Variants in ARHGEF4 observed in about 807,000 individuals in gnomAD.
ARHGEF4 encodes the protein APC-stimulated guanine nucleotide exchange factor 1.
ARHGEF4 carries 119 observed loss-of-function variants against 162.0 expected under a neutral mutation model. The ratio of observed to expected loss-of-function variants is 0.73; its 90% CI spans 0.63 to 0.86. The LOEUF (loss-of-function observed/expected upper bound fraction) is 0.86. Ranked by LOEUF, ARHGEF4 falls within the 40% of genes least tolerant of loss-of-function variation. The pLI, the probability that ARHGEF4 is intolerant of heterozygous loss-of-function variation, is 0.00. For synonymous variants in ARHGEF4, 1,014 were observed against 979.9 expected, an observed-to-expected ratio of 1.03 and a Z score of -0.65; for missense variants, 2,488 against 2,456.0, an observed-to-expected ratio of 1.01 and a Z score of -0.28.
chr2:130,843,471 C>T lies in ARHGEF4; in HGVS notation c.39+6479C>T, dbSNP rs186935506. Among the ~76,000 whole-genome samples, 59 of 152,326 alleles carry T rather than the reference C, an allele frequency of 3.9e-4. 2 individuals carry two copies. The South Asian group carries it at 9.7e-3, about 25-fold the overall frequency. ...CTGTCTGCCAGCAGGCCTTCCGTGCCTCCCCTGGGCTGTGCCTCCTGCTAA... is the reference window on the plus strand; with the variant it reads ...CTGTCTGCCAGCAGGCCTTCCGTGCTTCCCCTGGGCTGTGCCTCCTGCTAA... On this transcript the variant is annotated intron_variant, in intron 1 of 13. Coordinates refer to ENST00000409359, the MANE Select transcript of ARHGEF4 (RefSeq NM_001367493.1).
At chr2:130,839,817 T>C (rs2104847593) in intron 1 of ARHGEF4, among the ~76,000 whole-genome samples, 1 of 152,272 alleles carries the variant, frequency 6.6e-6, no homozygotes, top group East Asian at 1.9e-4. Flanking sequence ...CCTGGAGCCG[T>C]CACTGAAGTG....
intron 1 of ARHGEF4, among the ~76,000 whole-genome samples, chr2:130,850,323 C>T (rs947771851): frequency 6.6e-6 from 1 of 152,212 alleles, no homozygotes; most frequent in Non-Finnish European, 1.5e-5. Flanking sequence ...GGAGAGGTCT[C>T]CTCTCAGGAC....
intron 1 of ARHGEF4, among the ~76,000 whole-genome samples, chr2:130,844,122 C>T (rs907381666): frequency 2.6e-5 from 4 of 152,242 alleles, no homozygotes; most frequent in African/African-American, 4.8e-5. Context: ...TGACCCCATA[C>T]GTTTTGTTTG....
At chr2:130,982,799 C>T (rs1222708336) in intron 4 of ARHGEF4, among the ~76,000 whole-genome samples, 2 of 152,102 alleles carry the variant, frequency 1.3e-5, no homozygotes, top group Non-Finnish European at 2.9e-5. Flanking sequence ...CATAAATAAT[C>T]TTTTTAAAGG....
Position 130,915,054 on chromosome 2 carries a change from G to T in ARHGEF4, c.1108G>T (p.Glu370Ter). 6.4e-7 allele frequency: 1 copy of T among 1,550,664 alleles called. No homozygotes were observed. Among genetic ancestry groups the T allele is most frequent in the Non-Finnish European group, 8.7e-7 (1 of 1,147,020 alleles). The change falls in exon 2 of 14, where the codon GAA (glutamate) becomes TAA (stop). Residue 370 changes from glutamate to a stop codon, truncating the protein, a stop_gained. Coordinates refer to ENST00000409359, the MANE Select transcript of ARHGEF4 (RefSeq NM_001367493.1). LOFTEE classifies it high-confidence loss of function. ...GTHVKEGAKN[E>*]RDPRIQNIPS... The stretch of plus-strand genomic sequence containing the variant: ...CCATGTGAAGGAAGGGGCCAAAAAT[G>T]AACGAGATCCAAGAATACAAAACAT...
intron 6 of ARHGEF4, chr2:131,039,329 G>C: frequency 8.4e-7 from 1 of 1,195,930 alleles, no homozygotes. Flanking sequence ...CATTTCCCAA[G>C]CCCTGAAGAG....
intron 4 of ARHGEF4, among the ~76,000 whole-genome samples, chr2:131,005,413 C>G (rs1688058378): frequency 1.3e-5 from 2 of 152,198 alleles, no homozygotes; most frequent in African/African-American, 4.8e-5. Flanking sequence ...CCCACAACAG[C>G]CACTCCCTGC....
intron 4 of ARHGEF4, among the ~76,000 whole-genome samples, chr2:131,010,974 G>C (rs1227617020): frequency 2.0e-5 from 3 of 152,186 alleles, no homozygotes; most frequent in African/African-American, 7.2e-5. Flanking sequence ...AAAAGAGGTA[G>C]GCAATTATTA....
chr2:130,851,321 G>A (rs1457690124), intron 1 of ARHGEF4, among the ~76,000 whole-genome samples: 2 of 152,238 alleles, frequency 1.3e-5, no homozygotes, highest in Non-Finnish European at 2.9e-5. Flanking sequence ...CGCCAGCTCC[G>A]CAGCCAGCCC....
chr2:130,992,282 C>T (rs1456337001), intron 4 of ARHGEF4, among the ~76,000 whole-genome samples: 3 of 152,190 alleles, frequency 2.0e-5, no homozygotes, highest in Non-Finnish European at 2.9e-5. Context: ...CACTGGCAAC[C>T]TGCTTGGGTC....
chr2:130,955,254 A>G (rs566294527), intron 4 of ARHGEF4, among the ~76,000 whole-genome samples: 2 of 152,084 alleles, frequency 1.3e-5, no homozygotes, highest in Non-Finnish European at 2.9e-5. Context: ...CTTGGACTTG[A>G]TAAATCTGAT....
rs180741448 is a variant in ARHGEF4 at position 130,914,655 on chromosome 2, C to G, written c.709C>G (p.Leu237Val). 2.2e-6 allele frequency: 3 copies of G among 1,389,194 alleles called. No homozygotes were observed. Among genetic ancestry groups the G allele is most frequent in the Non-Finnish European group, 2.8e-6 (3 of 1,078,406 alleles). 86.1% of individuals were successfully genotyped at this position (1,389,194 alleles called of 1,614,324 possible). The change falls in exon 2 of 14, where the codon CTG becomes GTG. Residue 237 changes from leucine to valine, a missense_variant. Transcript: ENST00000409359. The stretch of plus-strand genomic sequence containing the variant: ...GCCCTTCCTTCTCTGGTGCTGTGAA[C>G]TGGGTCGGAGTTGGCCACATATCCA... ...VWPFLLWCCE[L>V]GRSWPHIHNR... is the part of the protein sequence containing the mutation.
intron 1 of ARHGEF4, among the ~76,000 whole-genome samples, chr2:130,891,693 G>A (rs1012528074): frequency 7.2e-5 from 11 of 152,256 alleles, no homozygotes; most frequent in Middle Eastern, 3.4e-3. Flanking sequence ...GTGCATGCAC[G>A]TCCCTGGCGT....
chr2:130,876,269 G>A (rs184751686), intron 1 of ARHGEF4, among the ~76,000 whole-genome samples: 3 of 152,362 alleles, frequency 2.0e-5, no homozygotes, highest in Admixed American at 6.5e-5. Context: ...CTGACAGGCA[G>A]TAGGAGCACC....
chr2:130,953,376 C>A (rs1264661063), intron 4 of ARHGEF4, among the ~76,000 whole-genome samples: 2 of 152,114 alleles, frequency 1.3e-5, no homozygotes, highest in African/African-American at 4.8e-5. Context: ...GAAACTGGAT[C>A]CTTTCCTTGC....
Position 130,916,999 on chromosome 2 carries a change from T to C in ARHGEF4, c.3053T>C (p.Val1018Ala). The C allele has an allele frequency of 3.2e-6, 5 of 1,550,958 alleles. No homozygotes were observed. In the South Asian group the frequency reaches 5.9e-5, roughly 18 times the overall value. Residue 1018 changes from valine (V) to alanine (A), a missense_variant, in exon 2 of 14, where the codon GTT becomes GCT. Val to Ala is a moderately conservative substitution (Grantham distance 64). Transcript: ENST00000409359. ...TCCACACCTTTGTCCTCCAGTTTAGTTTCTCCAGAACACAGGAGGAAAAGT... is the reference window on the plus strand; with the variant it reads ...TCCACACCTTTGTCCTCCAGTTTAGCTTCTCCAGAACACAGGAGGAAAAGT... ...LASTPLSSSLVSPEHRRKSEP... is the reference protein window; with the variant it reads ...LASTPLSSSLASPEHRRKSEP...
chr2:130,932,544 A>G (rs563441196), intron 3 of ARHGEF4, among the ~76,000 whole-genome samples: 2 of 152,298 alleles, frequency 1.3e-5, no homozygotes, highest in East Asian at 3.9e-4. Flanking sequence ...TAAGACCATT[A>G]TAAGATATGT....
At position 130,940,562 on chromosome 2, in the gene ARHGEF4, C is replaced by T. The variant is rs536827790; in HGVS notation, c.3859-5947C>T. 1.2e-4 allele frequency among the ~76,000 whole-genome samples: 18 copies of T among 149,972 alleles called. No individual in the cohort carries two copies. In the South Asian group the frequency reaches 2.0e-3, roughly 17 times the overall value. ...TAGTATGAAAATTCATGGAGTAGGCCGGGCGCGGTGGCTCACGCTTGTAAT... is the reference window on the plus strand; with the variant it reads ...TAGTATGAAAATTCATGGAGTAGGCTGGGCGCGGTGGCTCACGCTTGTAAT... On this transcript the variant is annotated intron_variant, in intron 3 of 13. Coordinates refer to ENST00000409359, the MANE Select transcript of ARHGEF4 (RefSeq NM_001367493.1).
chr2:130,903,387 A>G (rs763676800), intron 1 of ARHGEF4, among the ~76,000 whole-genome samples: 4 of 151,238 alleles, frequency 2.6e-5, no homozygotes, highest in Non-Finnish European at 5.9e-5. Flanking sequence ...AGCCTCCCGC[A>G]TAGCTGGGAT....
Sources: allele counts gnomAD v4.1 joint callset (sites outside exome capture counted in the v4.1 genomes callset), GRCh38; gene constraint gnomAD v4.1.1; transcripts MANE v1.5; gene names NCBI Gene and HGNC (gene_info 2026-07-23, HGNC 2026-07-21).